Variants in CASR observed in about 807,000 individuals in gnomAD.
CASR encodes extracellular calcium-sensing receptor.
A neutral mutation model predicts 69.1 loss-of-function variants in CASR; 23 were observed. The observed-to-expected ratio is 0.33, with a 90% confidence interval of 0.24 to 0.47. CASR has a LOEUF of 0.47. Among genes scored for constraint, CASR ranks in the 20% least tolerant of loss-of-function variants. The pLI, the probability that CASR is intolerant of heterozygous loss-of-function variation, is 1.00. For synonymous variants in CASR, 541 were observed against 544.7 expected (o/e 0.99, Z 0.10); for missense variants, 924 against 1,356.1 (o/e 0.68, Z 5.00).
chr3:122,261,225 A>G (rs545478217), intron 3 of CASR, among the ~76,000 whole-genome samples: 1 of 152,230 alleles, frequency 6.6e-6, no homozygotes, highest in Non-Finnish European at 1.5e-5. Context: ...GGCTAAGTAC[A>G]TCCCACTATT....
At chr3:122,224,399 C>T (rs2074202867) in intron 1 of CASR, among the ~76,000 whole-genome samples, 1 of 152,132 alleles carries the variant, frequency 6.6e-6, no homozygotes, top group Admixed American at 6.6e-5. Context: ...ATACCAATAA[C>T]ATTTAAACTG....
chr3:122,223,260 A>T (rs2074189547), intron 1 of CASR, among the ~76,000 whole-genome samples: 1 of 152,092 alleles, frequency 6.6e-6, no homozygotes, highest in South Asian at 2.1e-4. Context: ...AATCCAGACA[A>T]AAGCTGGTTC....
Position 122,285,967 on chromosome 3 carries a change from T to A in CASR, c.*776T>A, listed in dbSNP as rs2074965118. 1 of 152,782 alleles carries A rather than the reference T, an allele frequency of 6.5e-6. No individual in the cohort carries two copies. The highest frequency in any genetic ancestry group is 1.5e-5 in the Non-Finnish European group (1 of 68,176). The allele number at this position is 152,782 out of a possible 1,614,324, so 9.5% of individuals were successfully genotyped here. A position where few individuals can be genotyped will look rare whatever the true frequency, so the allele number is the denominator to read the frequency against. The stretch of plus-strand genomic sequence containing the variant: ...CTGAAAAATGTCAGTCTGGTTTATA[T>A]AAGGCAGTATTATTGAGCTCTATTT... On this transcript the variant is annotated 3_prime_UTR_variant, in exon 7 of 7. Coordinates refer to ENST00000639785, the MANE Select transcript of CASR (RefSeq NM_000388.4).
rs1416630837 is a variant in CASR at position 122,285,744 on chromosome 3, C to G, written c.*553C>G. On this transcript the variant is annotated 3_prime_UTR_variant, in exon 7 of 7. Coordinates refer to ENST00000639785, the MANE Select transcript of CASR (RefSeq NM_000388.4). Reference sequence around the variant, plus strand: ...TATGTAACATCCAGAAGGTTTGCACCCCTCCTATACCATATGTCTGCTTCT... The same window carrying G: ...TATGTAACATCCAGAAGGTTTGCACGCCTCCTATACCATATGTCTGCTTCT... 5.9e-6 allele frequency: 1 copy of G among 169,960 alleles called. No individual in the cohort carries two copies. Among genetic ancestry groups the G allele is most frequent in the African/African-American group, 2.4e-5 (1 of 41,642 alleles). 10.5% of individuals were successfully genotyped at this position (169,960 alleles called of 1,614,324 possible).
intron 1 of CASR, among the ~76,000 whole-genome samples, chr3:122,201,651 A>T (rs1402126263): frequency 1.2e-5 from 1 of 82,288 alleles, no homozygotes; most frequent in East Asian, 2.3e-4. Flanking sequence ...TCCCTCCCGG[A>T]CGGGGCGGCT....
At position 122,261,545 on chromosome 3, in the gene CASR, C is replaced by T; in HGVS notation, c.510C>T (p.Ser170=). The T allele has an allele frequency of 6.2e-7, 1 of 1,614,198 alleles. No individual in the cohort carries two copies. Among genetic ancestry groups the T allele is most frequent in the Non-Finnish European group, 8.5e-7 (1 of 1,180,030 alleles). ...CTCTCCAGGTCAGTTATGCCTCCTC[C>T]AGCAGACTCCTCAGCAACAAGAATC... ...FYIPQVSYAS[S]SRLLSNKNQF... The change falls in exon 4 of 7, where the codon TCC becomes TCT. Residue 170 remains serine, a synonymous_variant. Coordinates refer to ENST00000639785, the MANE Select transcript of CASR (RefSeq NM_000388.4).
intron 1 of CASR, among the ~76,000 whole-genome samples, chr3:122,239,051 G>A (rs2074356257): frequency 6.6e-6 from 1 of 152,130 alleles, no homozygotes; most frequent in Non-Finnish European, 1.5e-5. Flanking sequence ...AAGTAAAGGG[G>A]ATATTTTCTT....
In CASR at chr3:122,282,146, G is replaced by T. The variant is rs200647941; in HGVS notation, c.1642G>T (p.Ala548Ser). The change falls in exon 6 of 7, where the codon GCA becomes TCA. Residue 548 changes from alanine (A) to serine (S), a missense_variant. Ala to Ser is a moderately conservative substitution (Grantham distance 99). Transcript: ENST00000639785. ...CTCCAACTGCAGCCGAGACTGCCTG[G>T]CAGGGACCAGGAAAGGGATCATTGA... ...PFSNCSRDCL[A>S]GTRKGIIEGE... is the part of the protein sequence containing the mutation. 1.2e-6 allele frequency: 2 copies of T among 1,614,218 alleles called. No homozygotes were observed. The highest frequency in any genetic ancestry group is 1.7e-6 in the Non-Finnish European group (2 of 1,180,018).
Position 122,225,135 on chromosome 3 carries a change from A to G in CASR, c.-242-28813A>G, listed in dbSNP as rs972594595. Among the ~76,000 whole-genome samples the G allele has an allele frequency of 2.0e-5, 3 of 152,190 alleles. No individual in the cohort carries two copies. In the East Asian group the frequency reaches 5.8e-4, roughly 29 times the overall value. ...AATGTTAGTAGAAAACCTAGGAAAT[A>G]ACATTCTGGACATCAGCCTTGGGAA... On this transcript the variant is annotated intron_variant, in intron 1 of 6. Coordinates refer to ENST00000639785, the MANE Select transcript of CASR (RefSeq NM_000388.4).
intron 1 of CASR, among the ~76,000 whole-genome samples, chr3:122,210,410 A>G (rs1559938998): frequency 6.6e-6 from 1 of 152,178 alleles, no homozygotes; most frequent in Non-Finnish European, 1.5e-5. Context: ...AAAAATCAAT[A>G]TGTAAAAATC....
At chr3:122,202,711 T>A (rs187767465) in intron 1 of CASR, among the ~76,000 whole-genome samples, 120 of 152,326 alleles carry the variant, frequency 7.9e-4, no homozygotes, top group Non-Finnish European at 8.2e-4. Context: ...CTTTTGTGGT[T>A]TTTTTGCTAA....
intron 1 of CASR, among the ~76,000 whole-genome samples, chr3:122,210,633 G>T (rs890520108): frequency 6.6e-6 from 1 of 152,186 alleles, no homozygotes; most frequent in Non-Finnish European, 1.5e-5. Context: ...TGAATAGGAA[G>T]AACCAATATC....
intron 4 of CASR, among the ~76,000 whole-genome samples, chr3:122,266,959 G>A (rs867956996): frequency 5.3e-5 from 8 of 152,152 alleles, no homozygotes; most frequent in Admixed American, 2.0e-4. Context: ...AGCCAAGATC[G>A]CACCACTGCA....
chr3:122,196,932 C>G (rs893452544), intron 1 of CASR, among the ~76,000 whole-genome samples: 2 of 152,036 alleles, frequency 1.3e-5, no homozygotes, highest in Admixed American at 6.6e-5. Flanking sequence ...ATATCCATCA[C>G]CTCACCTCAG....
intron 1 of CASR, among the ~76,000 whole-genome samples, chr3:122,225,581 T>G: frequency 6.9e-6 from 1 of 144,278 alleles, no homozygotes; most frequent in Admixed American, 6.9e-5. Context: ...AAACAGATGT[T>G]GGGGAGTTTG....
At chr3:122,215,798 C>T (rs1448250104) in intron 1 of CASR, among the ~76,000 whole-genome samples, 3 of 152,194 alleles carry the variant, frequency 2.0e-5, no homozygotes, top group Non-Finnish European at 4.4e-5. Flanking sequence ...TTTTCTTGGA[C>T]AGCTCAGAAA....
At chr3:122,279,155 T>C (rs1262752055) in intron 5 of CASR, among the ~76,000 whole-genome samples, 1 of 152,182 alleles carries the variant, frequency 6.6e-6, no homozygotes, top group Admixed American at 6.5e-5. Flanking sequence ...TCAAGGACTA[T>C]GAGGCAAAGA....
intron 1 of CASR, among the ~76,000 whole-genome samples, chr3:122,230,456 G>T (rs778850815): frequency 1.3e-5 from 2 of 152,222 alleles, no homozygotes; most frequent in African/African-American, 2.4e-5. Context: ...CAGGAGCAGC[G>T]GGGGCGGGGA....
At chr3:122,219,923 T>C (rs1333852126) in intron 1 of CASR, among the ~76,000 whole-genome samples, 1 of 152,220 alleles carries the variant, frequency 6.6e-6, no homozygotes, top group Non-Finnish European at 1.5e-5. Flanking sequence ...ATCTTGTCTA[T>C]TTCTCTGCCA....
Sources: allele counts gnomAD v4.1 joint callset (sites outside exome capture counted in the v4.1 genomes callset), GRCh38; gene constraint gnomAD v4.1.1; transcripts MANE v1.5; gene names NCBI Gene and HGNC (gene_info 2026-07-23, HGNC 2026-07-21).